Variants in AKAP12 observed in about 807,000 individuals in gnomAD.
AKAP12 encodes the protein A-kinase anchor protein 12.
AKAP12 carries 32 observed loss-of-function variants against 79.9 expected under a neutral mutation model. That is an observed-to-expected ratio of 0.40 (90% confidence interval 0.30 to 0.54). The LOEUF is 0.54. Among genes scored for constraint, AKAP12 ranks in the 20% least tolerant of loss-of-function variants. The probability of loss-of-function intolerance (pLI) is 0.48; values close to 1 mark genes in which losing one functional copy is unlikely to be tolerated. For synonymous variants in AKAP12, 808 were observed against 857.0 expected (o/e 0.94, Z 1.00); for missense variants, 2,074 against 2,177.0 (o/e 0.95, Z 0.94).
At chr6:151,345,959 GAGAGAA>G (rs1200735483) in intron 3 of AKAP12, among the ~76,000 whole-genome samples, 149 of 144,926 alleles carry the variant, frequency 1.0e-3, no homozygotes, top group Middle Eastern at 4.0e-3. Flanking sequence ...GAGAGAGAGA[GAGAGAA>G]AGGAGAGACA....
At chr6:151,296,232 T>C (rs552428231) in intron 2 of AKAP12, among the ~76,000 whole-genome samples, 2 of 152,290 alleles carry the variant, frequency 1.3e-5, no homozygotes, top group Non-Finnish European at 2.9e-5. Flanking sequence ...ATCACTACAA[T>C]CATGCCCACC....
chr6:151,254,662 T>C (rs576866679), intron 2 of AKAP12, among the ~76,000 whole-genome samples: 1 of 152,298 alleles, frequency 6.6e-6, no homozygotes, highest in Non-Finnish European at 1.5e-5. Flanking sequence ...TTCATTTTGT[T>C]GATAATACAG....
At chr6:151,266,974 G>A (rs1490351371) in intron 2 of AKAP12, among the ~76,000 whole-genome samples, 1 of 128,432 alleles carries the variant, frequency 7.8e-6, no homozygotes, top group African/African-American at 3.0e-5. Flanking sequence ...CCGAGATCGC[G>A]CCACTGCACC....
At chr6:151,320,278 T>C (rs1047308255) in intron 3 of AKAP12, among the ~76,000 whole-genome samples, 1 of 151,810 alleles carries the variant, frequency 6.6e-6, no homozygotes, top group Non-Finnish European at 1.5e-5. Context: ...GTGTCACTGC[T>C]TGGTTTTTTG....
intron 3 of AKAP12, chr6:151,325,709 G>A (rs952423085): frequency 6.8e-7 from 1 of 1,475,548 alleles, no homozygotes; most frequent in African/African-American, 1.4e-5. Context: ...GGGCACCTCC[G>A]GTTCTCCCCC....
intron 2 of AKAP12, among the ~76,000 whole-genome samples, chr6:151,262,834 G>T (rs12175863): frequency 0.073 from 11,040 of 152,136 alleles, 619 homozygotes; most frequent in East Asian, 0.19. Flanking sequence ...TGTTTCACCA[G>T]TGAAGACCAT....
chr6:151,324,384 C>G (rs1777472239), intron 3 of AKAP12: 1 of 985,288 alleles, frequency 1.0e-6, no homozygotes, highest in African/African-American at 1.7e-5. Context: ...TTTCACGTTG[C>G]TCACTCTGGG....
At chr6:151,304,526 T>G (rs1776935039) in intron 2 of AKAP12, among the ~76,000 whole-genome samples, 1 of 94,550 alleles carries the variant, frequency 1.1e-5, no homozygotes, top group Non-Finnish European at 2.4e-5. Flanking sequence ...AAAAGGATTA[T>G]ATGACCAAGG....
At chr6:151,345,420 A>AT (rs1778063520) in intron 3 of AKAP12, among the ~76,000 whole-genome samples, 1 of 151,826 alleles carries the variant, frequency 6.6e-6, no homozygotes, top group Non-Finnish European at 1.5e-5. Context: ...CATTAAGTAT[A>AT]TTTTTTCAGG....
rs902802993 is a variant in AKAP12 at position 151,290,880 on chromosome 6, G to A, written c.163-14867G>A. Among the ~76,000 whole-genome samples the A allele has an allele frequency of 3.3e-5, 5 of 152,326 alleles. No individual in the cohort carries two copies. The South Asian group carries it at 1.0e-3, about 32-fold the overall frequency. On this transcript the variant is annotated intron_variant, in intron 2 of 4. Coordinates refer to ENST00000402676, the MANE Select transcript of AKAP12 (RefSeq NM_005100.4). Reference sequence around the variant, plus strand: ...CCGCCTCGGCCTACCGAAGTGCTGGGATTACAGGCGTGAGCCACCTTGCCC... The same window carrying A: ...CCGCCTCGGCCTACCGAAGTGCTGGAATTACAGGCGTGAGCCACCTTGCCC...
At chr6:151,303,103 G>A (rs145945498) in intron 2 of AKAP12, among the ~76,000 whole-genome samples, 5,892 of 152,228 alleles carry the variant, frequency 0.039, 384 homozygotes, top group African/African-American at 0.13. Context: ...TGAGGCAGAA[G>A]AATCACTTGA....
In AKAP12 at chr6:151,268,358, G is replaced by A. The variant is rs1482627214; in HGVS notation, c.162+27634G>A. On this transcript the variant is annotated intron_variant, in intron 2 of 4. Transcript: ENST00000402676. ...CTTGAACCCGGGAGGCAGAGGTTGCGGTGAGCTGAGATCACGCCATTGCAC... is the reference window on the plus strand; with the variant it reads ...CTTGAACCCGGGAGGCAGAGGTTGCAGTGAGCTGAGATCACGCCATTGCAC... Among the ~76,000 whole-genome samples the A allele has an allele frequency of 2.6e-5, 4 of 152,010 alleles. No homozygotes were observed. In the East Asian group the frequency reaches 5.8e-4, roughly 22 times the overall value.
chr6:151,354,573 C>T (rs983759851), intron 4 of AKAP12, among the ~76,000 whole-genome samples: 1 of 149,220 alleles, frequency 6.7e-6, no homozygotes, highest in African/African-American at 2.4e-5. Context: ...TGGGTTTTCA[C>T]CGTGTTAGCC....
intron 2 of AKAP12, among the ~76,000 whole-genome samples, chr6:151,260,987 G>C (rs1482404701): frequency 6.6e-6 from 1 of 151,882 alleles, no homozygotes; most frequent in East Asian, 1.9e-4. Flanking sequence ...AGGACCCTCT[G>C]TTTATATTCC....
chr6:151,241,421 C>A (rs1167048397), intron 2 of AKAP12, among the ~76,000 whole-genome samples: 1 of 152,240 alleles, frequency 6.6e-6, no homozygotes, highest in African/African-American at 2.4e-5. Flanking sequence ...CAGCGCTTTG[C>A]CTGCAGACTC....
chr6:151,310,864 G>A (rs906237424), intron 3 of AKAP12, among the ~76,000 whole-genome samples: 2 of 152,132 alleles, frequency 1.3e-5, no homozygotes, highest in Admixed American at 6.5e-5. Flanking sequence ...TGCAGAGTAC[G>A]TACAGCAAAC....
In AKAP12 at chr6:151,349,493, C is replaced by G. The variant is rs888677836; in HGVS notation, c.1102C>G (p.Pro368Ala). The change falls in exon 4 of 5, where the codon CCC (proline) becomes GCC (alanine). Residue 368 changes from proline to alanine, a missense_variant. Physicochemically the swap from Pro to Ala is conservative, Grantham distance 27. Coordinates refer to ENST00000402676, the MANE Select transcript of AKAP12 (RefSeq NM_005100.4). ...PQEPAESAHE[P>A]RLSAEYEKVE... ...GGAGCCGGCAGAAAGTGCCCACGAG[C>G]CCCGGTTATCAGCTGAATATGAGAA... The G allele has an allele frequency of 6.2e-7, 1 of 1,608,022 alleles. No homozygotes were observed. The highest frequency in any genetic ancestry group is 1.3e-5 in the African/African-American group (1 of 74,116).
At position 151,356,521 on chromosome 6, in the gene AKAP12, G is replaced by A. The variant is rs1778446257; in HGVS notation, c.*807G>A. ...GACCGATAAGTGTGCTTAATCCTGA[G>A]GCAAAGTAGTGAATATGTTTTATAT... On this transcript the variant is annotated 3_prime_UTR_variant, in exon 5 of 5. Transcript: ENST00000402676. 6.6e-6 allele frequency: 1 copy of A among 152,136 alleles called. No individual in the cohort carries two copies. Among genetic ancestry groups the A allele is most frequent in the Admixed American group, 6.5e-5 (1 of 15,270 alleles). The allele number at this position is 152,136 out of a possible 1,614,324, so 9.4% of individuals were successfully genotyped here.
At chr6:151,253,883 A>T (rs60574988) in intron 2 of AKAP12, among the ~76,000 whole-genome samples, 1 of 151,678 alleles carries the variant, frequency 6.6e-6, no homozygotes, top group African/African-American at 2.4e-5. Context: ...ATTTTTTTGT[A>T]TTTTTAGTAG....
Sources: gnomAD v4.1 joint callset for allele counts (sites outside exome capture counted in the v4.1 genomes callset) on GRCh38, gnomAD v4.1.1 for gene constraint, MANE v1.5 for transcripts, NCBI Gene and HGNC (gene_info 2026-07-23, HGNC 2026-07-21) for gene names.